ARK2N: variants seen among roughly 807,000 people sequenced by gnomAD.
The protein encoded by ARK2N is arkadia (RNF111) N-terminal like PKA signaling regulator 2N, also known as protein ARK2N.
At chr18:46,198,092 G>A in the ARK2N span, among the ~76,000 whole-genome samples, 1 of 151,768 alleles carries the variant, frequency 6.6e-6, no homozygotes, top group Non-Finnish European at 1.5e-5. Context: ...ACTTGAGGTC[G>A]GGAGTTCAAA....
the ARK2N span, among the ~76,000 whole-genome samples, chr18:46,260,261 G>A: frequency 1.3e-5 from 2 of 152,172 alleles, no homozygotes; most frequent in South Asian, 2.1e-4. Flanking sequence ...GGTTTGCCTC[G>A]AGCATGAAAT....
the ARK2N span, among the ~76,000 whole-genome samples, chr18:46,188,985 C>T: frequency 6.6e-6 from 1 of 151,994 alleles, no homozygotes; most frequent in African/African-American, 2.4e-5. Context: ...GAGGCCGAGG[C>T]GGGTGGATCA....
At chr18:46,190,682 TA>T in the ARK2N span, among the ~76,000 whole-genome samples, 17 of 151,386 alleles carry the variant, frequency 1.1e-4, no homozygotes, top group South Asian at 3.5e-3. Flanking sequence ...AGCTAATTCA[TA>T]GTAAGATTAT....
chr18:46,230,939 G>GC, the ARK2N span, among the ~76,000 whole-genome samples: 1 of 152,172 alleles, frequency 6.6e-6, no homozygotes, highest in African/African-American at 2.4e-5. Context: ...CCTGCTTTCT[G>GC]CCTAGTTTGT....
At chr18:46,254,744 A>T in the ARK2N span, among the ~76,000 whole-genome samples, 1 of 152,232 alleles carries the variant, frequency 6.6e-6, no homozygotes, top group African/African-American at 2.4e-5. Context: ...AAAGCCTAAG[A>T]TATGTACTGT....
chr18:46,253,711 G>A, the ARK2N span: 1 of 1,609,946 alleles, frequency 6.2e-7, no homozygotes, highest in South Asian at 1.1e-5. Flanking sequence ...TTTGGATCCA[G>A]GATTCCTAGC....
At chr18:46,210,530 G>A in the ARK2N span, among the ~76,000 whole-genome samples, 1 of 152,124 alleles carries the variant, frequency 6.6e-6, no homozygotes, top group East Asian at 1.9e-4. Flanking sequence ...TGGGTATTTG[G>A]GTGGACTGGT....
the ARK2N span, among the ~76,000 whole-genome samples, chr18:46,205,187 C>T: frequency 2.0e-5 from 3 of 152,126 alleles, no homozygotes; most frequent in Admixed American, 2.0e-4. Flanking sequence ...GGATTGCAGG[C>T]GTGAGCCACT....
chr18:46,244,728 A>G, the ARK2N span, among the ~76,000 whole-genome samples: 1 of 151,522 alleles, frequency 6.6e-6, no homozygotes, highest in African/African-American at 2.4e-5. Flanking sequence ...CAGCCTCACA[A>G]GTAGCTGGGA....
At chr18:46,214,166 C>T in the ARK2N span, among the ~76,000 whole-genome samples, 1 of 152,136 alleles carries the variant, frequency 6.6e-6, no homozygotes, top group African/African-American at 2.4e-5. Context: ...AAAAAGTGGG[C>T]TTGGCATGTT....
the ARK2N span, among the ~76,000 whole-genome samples, chr18:46,174,492 G>A: frequency 6.6e-6 from 1 of 151,982 alleles, no homozygotes; most frequent in South Asian, 2.1e-4. Context: ...TGGCTGGTGG[G>A]CGCCGGGAAC....
the ARK2N span, chr18:46,228,668 C>T: frequency 1.3e-5 from 5 of 395,606 alleles, no homozygotes; most frequent in African/African-American, 2.1e-5. Flanking sequence ...TCACTGTAAC[C>T]TCTGCCTCCC....
chr18:46,215,191 C>T, the ARK2N span, among the ~76,000 whole-genome samples: 50 of 152,144 alleles, frequency 3.3e-4, no homozygotes, highest in East Asian at 6.4e-3. Flanking sequence ...TGGTGGTGTG[C>T]GCCTGTAGTC....
At chr18:46,192,577 A>G in the ARK2N span, among the ~76,000 whole-genome samples, 4 of 142,672 alleles carry the variant, frequency 2.8e-5, no homozygotes, top group East Asian at 2.3e-4. Flanking sequence ...CTCCATCTCA[A>G]TTTTTTTTTT....
the ARK2N span, chr18:46,263,298 A>T: frequency 1.9e-5 from 10 of 535,308 alleles, no homozygotes; most frequent in Non-Finnish European, 3.2e-5. Context: ...GTCACTTAGG[A>T]AAATAACATC....
the ARK2N span, among the ~76,000 whole-genome samples, chr18:46,225,120 C>G: frequency 6.6e-6 from 1 of 152,142 alleles, no homozygotes; most frequent in Non-Finnish European, 1.5e-5. Context: ...TTGACACTGG[C>G]GAAGAGAACA....
the ARK2N span, among the ~76,000 whole-genome samples, chr18:46,189,513 A>C: frequency 6.6e-6 from 1 of 152,098 alleles, no homozygotes; most frequent in Non-Finnish European, 1.5e-5. Flanking sequence ...CTGGCCTTAA[A>C]TTTCTTGGGT....
chr18:46,221,897 T>C, the ARK2N span, among the ~76,000 whole-genome samples: 1 of 152,228 alleles, frequency 6.6e-6, no homozygotes, highest in African/African-American at 2.4e-5. Context: ...TTTAAGCCTT[T>C]TGTAATCTGG....
At chr18:46,196,415 C>T in the ARK2N span, among the ~76,000 whole-genome samples, 1 of 151,978 alleles carries the variant, frequency 6.6e-6, no homozygotes, top group Admixed American at 6.6e-5. Flanking sequence ...GCGCCTGCCA[C>T]CACGCCCTGC....
Sources: allele counts gnomAD v4.1 joint callset (sites outside exome capture counted in the v4.1 genomes callset), GRCh38; gene constraint gnomAD v4.1.1; transcripts MANE v1.5; gene names NCBI Gene and HGNC (gene_info 2026-07-23, HGNC 2026-07-21).